CNBD1: variants seen among roughly 807,000 people sequenced by gnomAD.
CNBD1 encodes the protein cyclic nucleotide-binding domain-containing protein 1.
In CNBD1, 71 loss-of-function variants were observed where a neutral mutation model predicts 54.4. That is an observed-to-expected ratio of 1.30 (90% CI 1.08 to 1.59). The LOEUF (loss-of-function observed/expected upper bound fraction) is 1.59, where lower values mean the gene tolerates loss of function less well. CNBD1 is among the 40% of genes most tolerant of loss of function. The pLI is 0.00. For missense variants in CNBD1, 659 were observed against 518.0 expected, an observed-to-expected ratio of 1.27 and a Z score of -2.64; for synonymous variants, 182 against 170.7, an observed-to-expected ratio of 1.07 and a Z score of -0.51.
chr8:87,298,344 C>T (rs931059380), intron 8 of CNBD1, among the ~76,000 whole-genome samples: 4 of 152,102 alleles, frequency 2.6e-5, no homozygotes, highest in East Asian at 1.9e-4. Context: ...CAGGGCAAAG[C>T]GCGATGGAAG....
intron 4 of CNBD1, among the ~76,000 whole-genome samples, chr8:87,184,361 A>AAAG (rs1813429184): frequency 6.6e-6 from 1 of 152,168 alleles, no homozygotes; most frequent in Admixed American, 6.6e-5. Context: ...ACCGCATGGG[A>AAAG]AAGACAGCCC....
chr8:87,312,343 G>A (rs1809285691), intron 8 of CNBD1, among the ~76,000 whole-genome samples: 1 of 151,728 alleles, frequency 6.6e-6, no homozygotes, highest in Non-Finnish European at 1.5e-5. Context: ...TATTCTCTTG[G>A]GGCAATTGCT....
intron 4 of CNBD1, among the ~76,000 whole-genome samples, chr8:87,155,797 CATCA>C (rs1259274092): frequency 6.6e-6 from 1 of 152,130 alleles, no homozygotes; most frequent in East Asian, 1.9e-4. Context: ...AATGTCATGA[CATCA>C]ATCAGGTTCT....
intron 8 of CNBD1, among the ~76,000 whole-genome samples, chr8:87,349,091 A>C (rs1411872208): frequency 6.6e-6 from 1 of 152,200 alleles, no homozygotes; most frequent in Non-Finnish European, 1.5e-5. Context: ...AGATAATAAT[A>C]AATAAAATTT....
chr8:87,394,001 GGAGAA>G (rs896692004), intron 2 of CNBD1, among the ~76,000 whole-genome samples: 1 of 151,704 alleles, frequency 6.6e-6, no homozygotes, highest in Non-Finnish European at 1.5e-5. Flanking sequence ...CAGTCTGAAT[GGAGAA>G]GAGAGTCCAA....
At chr8:87,026,314 C>A (rs1809644758) in intron 4 of CNBD1, among the ~76,000 whole-genome samples, 1 of 151,596 alleles carries the variant, frequency 6.6e-6, no homozygotes, top group Non-Finnish European at 1.5e-5. Context: ...TTCCTCCCTG[C>A]TCCTTTCTTC....
chr8:86,878,080 C>CTGTGTGTG lies in CNBD1; in HGVS notation c.89-9443_89-9436dup, dbSNP rs145093111. On this transcript the variant is annotated intron_variant, in intron 1 of 10. Coordinates refer to ENST00000518476, the MANE Select transcript of CNBD1 (RefSeq NM_173538.3). ...TAATTTTGTTTTTCTTTCATCAAAG[C>CTGTGTGTG]TGTGTGTGTGTGTGTGTGTGTGTGT... Among the ~76,000 whole-genome samples, 780 of 135,854 alleles carry CTGTGTGTG rather than the reference C, an allele frequency of 5.7e-3. 4 individuals carry two copies. The highest frequency in any genetic ancestry group is 0.016 in the African/African-American group (599 of 36,686). 89.1% of individuals were successfully genotyped at this position (135,854 alleles called of 152,430 possible).
chr8:87,123,037 A>G (rs1664304629), intron 4 of CNBD1, among the ~76,000 whole-genome samples: 1 of 151,722 alleles, frequency 6.6e-6, no homozygotes, highest in African/African-American at 2.4e-5. Flanking sequence ...ACCTTTTGTG[A>G]TTCCATACAA....
At chr8:87,393,338 C>A (rs1428710428) in intron 2 of CNBD1, among the ~76,000 whole-genome samples, 2 of 151,814 alleles carry the variant, frequency 1.3e-5, no homozygotes, top group East Asian at 1.9e-4. Context: ...AGAAACAGTC[C>A]ATCTGTGCTG....
intron 8 of CNBD1, among the ~76,000 whole-genome samples, chr8:87,349,501 G>A (rs539571866): frequency 1.5e-3 from 232 of 152,112 alleles, no homozygotes; most frequent in Non-Finnish European, 2.5e-3. Context: ...TCAGCCTTCC[G>A]ATTAGCTGGA....
chr8:87,275,153 A>G (rs1020454390), intron 6 of CNBD1, among the ~76,000 whole-genome samples: 1 of 141,012 alleles, frequency 7.1e-6, no homozygotes, highest in Non-Finnish European at 1.5e-5. Context: ...TGGTACCAGT[A>G]CCATGCTGTT....
chr8:87,330,752 G>A (rs1274897847), intron 8 of CNBD1, among the ~76,000 whole-genome samples: 1 of 152,130 alleles, frequency 6.6e-6, no homozygotes, highest in Non-Finnish European at 1.5e-5. Flanking sequence ...GAATATGTAT[G>A]CTGCTGTTAA....
At chr8:87,158,604 T>C (rs1457677336) in intron 4 of CNBD1, among the ~76,000 whole-genome samples, 2 of 152,138 alleles carry the variant, frequency 1.3e-5, no homozygotes, top group Non-Finnish European at 2.9e-5. Context: ...TTTAATGATC[T>C]CATCAACTTT....
chr8:86,929,018 C>T (rs1365324957), intron 3 of CNBD1, among the ~76,000 whole-genome samples: 1 of 152,174 alleles, frequency 6.6e-6, no homozygotes, highest in African/African-American at 2.4e-5. Flanking sequence ...GGGGCTTAAT[C>T]TCTTGGAGAG....
chr8:87,251,687 A>G (rs1366125934), intron 6 of CNBD1, among the ~76,000 whole-genome samples: 1 of 151,950 alleles, frequency 6.6e-6, no homozygotes, highest in East Asian at 1.9e-4. Context: ...GGTACCATTC[A>G]GAGTCACATG....
chr8:86,880,940 A>G (rs990533764), intron 1 of CNBD1, among the ~76,000 whole-genome samples: 2 of 152,350 alleles, frequency 1.3e-5, no homozygotes, highest in African/African-American at 4.8e-5. Flanking sequence ...GATTATCTCA[A>G]TAGATGCAGA....
chr8:86,935,240 G>A (rs1180187817), intron 3 of CNBD1, among the ~76,000 whole-genome samples: 1 of 151,946 alleles, frequency 6.6e-6, no homozygotes, highest in Non-Finnish European at 1.5e-5. Flanking sequence ...GTTTCACTGT[G>A]TTAGCTAGGA....
At chr8:86,938,342 G>T (rs1489918560) in intron 3 of CNBD1, among the ~76,000 whole-genome samples, 1 of 152,086 alleles carries the variant, frequency 6.6e-6, no homozygotes, top group Non-Finnish European at 1.5e-5. Flanking sequence ...CCAAACTGTT[G>T]CAAACTCTGC....
intron 4 of CNBD1, among the ~76,000 whole-genome samples, chr8:87,094,346 C>G (rs1811275920): frequency 6.6e-6 from 1 of 151,816 alleles, no homozygotes; most frequent in South Asian, 2.1e-4. Flanking sequence ...TTCTGTGAAG[C>G]TCTTCTCAGG....
Sources: gnomAD v4.1 joint callset for allele counts (sites outside exome capture counted in the v4.1 genomes callset) on GRCh38, gnomAD v4.1.1 for gene constraint, MANE v1.5 for transcripts, NCBI Gene and HGNC (gene_info 2026-07-23, HGNC 2026-07-21) for gene names.